The following RELL1 variants were observed in gnomAD, a reference collection of about 807,000 sequenced individuals.
The protein encoded by RELL1 is RELT-like protein 1.
A neutral mutation model predicts 23.0 loss-of-function variants in RELL1; 10 were observed. The observed-to-expected ratio is 0.43, with a 90% CI of 0.27 to 0.74. RELL1 has a LOEUF of 0.74. RELL1 is among the 30% of genes least tolerant of loss of function. The pLI is 0.19. For synonymous variants in RELL1, 146 were observed against 146.8 expected (o/e 0.99, Z 0.04); for missense variants, 315 against 364.4 (o/e 0.86, Z 1.10).
chr4:37,682,623 C>T (rs1577615337), intron 1 of RELL1, among the ~76,000 whole-genome samples: 1 of 152,216 alleles, frequency 6.6e-6, no homozygotes, highest in African/African-American at 2.4e-5. Flanking sequence ...AGACTTCTCA[C>T]ATTTTTCATT....
At chr4:37,676,177 C>G (rs1183753892) in intron 1 of RELL1, among the ~76,000 whole-genome samples, 10 of 152,120 alleles carry the variant, frequency 6.6e-5, no homozygotes, top group Non-Finnish European at 1.5e-4. Flanking sequence ...TCATACTTTC[C>G]TTGACAAGGT....
intron 3 of RELL1, among the ~76,000 whole-genome samples, chr4:37,643,210 A>G (rs1720586396): frequency 2.0e-5 from 3 of 152,236 alleles, no homozygotes; most frequent in Admixed American, 2.0e-4. Context: ...AGAACTGCAA[A>G]GTATGGAAAA....
intron 6 of RELL1, among the ~76,000 whole-genome samples, chr4:37,594,426 C>T (rs977605882): frequency 7.2e-5 from 11 of 152,212 alleles, no homozygotes; most frequent in Non-Finnish European, 1.6e-4. Flanking sequence ...GGGCAGACTT[C>T]ACAGTTCCCC....
chr4:37,663,989 C>A (rs1224272819), intron 1 of RELL1, among the ~76,000 whole-genome samples: 2 of 152,172 alleles, frequency 1.3e-5, no homozygotes, highest in Non-Finnish European at 2.9e-5. Context: ...AAAAAAAAGA[C>A]TGAAGTCAGC....
rs1719446792 is a variant in RELL1 at position 37,612,689 on chromosome 4, CATG to C, written c.*654_*656del. Among the ~76,000 whole-genome samples the C allele has an allele frequency of 6.7e-6, 1 of 148,830 alleles. No individual in the cohort carries two copies. Among genetic ancestry groups the C allele is most frequent in the Non-Finnish European group, 1.5e-5 (1 of 67,508 alleles). ...AAATGTGTAAGTGCTGTAGGAGTGA[CATG>C]GTGGTGGCAGGAGTTAATGCTGAAT... On this transcript the variant is annotated 3_prime_UTR_variant, in exon 7 of 7. Transcript: ENST00000454158.
intron 1 of RELL1, among the ~76,000 whole-genome samples, chr4:37,666,602 A>T (rs532894335): frequency 6.6e-6 from 1 of 152,200 alleles, no homozygotes; most frequent in Non-Finnish European, 1.5e-5. Context: ...TCAGCTGGGG[A>T]TATAAAATCA....
Position 37,649,424 on chromosome 4 carries a change from G to GT in RELL1, c.164dup (p.His55GlnfsTer28). ...CAAGCGCGTATGCAATATATTCTGG[G>GT]TGTCCATTCCCAGTATCGTTGCTGG... On this transcript the variant is annotated frameshift_variant, in exon 2 of 7. Transcript: ENST00000454158. LOFTEE classifies it high-confidence loss of function. 6.2e-7 allele frequency: 1 copy of GT among 1,614,232 alleles called. No individual in the cohort carries two copies. Among genetic ancestry groups the GT allele is most frequent in the East Asian group, 2.2e-5 (1 of 44,892 alleles).
At chr4:37,650,715 G>A (rs1385960797) in intron 1 of RELL1, among the ~76,000 whole-genome samples, 2 of 151,596 alleles carry the variant, frequency 1.3e-5, no homozygotes, top group Admixed American at 6.6e-5. Context: ...TTAGCCTGCA[G>A]GGGTGCCACA....
In RELL1 at chr4:37,612,176, CAAAAAAAAAA is replaced by C. The variant is rs36064800; in HGVS notation, c.*1160_*1169del. 5.2e-4 allele frequency among the ~76,000 whole-genome samples: 28 copies of C among 53,774 alleles called. No individual in the cohort carries two copies. The highest frequency in any genetic ancestry group is 1.7e-3 in the African/African-American group (25 of 14,620). The allele number at this position is 53,774 out of a possible 152,430, so 35.3% of individuals were successfully genotyped here. ...TGGGCGACAGAGCGAGACTCCGCCT[CAAAAAAAAAA>C]AAAAAAAAAAAAAAAGAGAGAAGCA... On this transcript the variant is annotated 3_prime_UTR_variant, in exon 7 of 7. Transcript: ENST00000454158.
In RELL1 at chr4:37,634,987, G is replaced by A. The variant is rs200794467; in HGVS notation, c.580C>T (p.Arg194Trp). The change falls in exon 5 of 7, where the codon CGG (arginine) becomes TGG (tryptophan). Residue 194 changes from arginine (R) to tryptophan (W), a missense_variant. Arg to Trp is a moderately radical substitution (Grantham distance 101). Coordinates refer to ENST00000454158, the MANE Select transcript of RELL1 (RefSeq NM_001085400.2). ...AAGTGCCACCGCTTGTGCCTACACCGATGACACACATCCCTCTCGACAACA... is the reference window on the plus strand; with the variant it reads ...AAGTGCCACCGCTTGTGCCTACACCAATGACACACATCCCTCTCGACAACA... ...GGVVERDVCH[R>W]CRHKRWHFIK... 62 of 1,614,218 alleles carry A rather than the reference G, an allele frequency of 3.8e-5. No homozygotes were observed. The African/African-American group carries it at 6.0e-4, about 16-fold the overall frequency.
downstream of RELL1, among the ~76,000 whole-genome samples, chr4:37,586,545 A>G (rs1718348762): frequency 6.6e-6 from 1 of 152,218 alleles, no homozygotes; most frequent in Non-Finnish European, 1.5e-5. Context: ...GTCCTCAAGC[A>G]TGAAGTGATT....
At chr4:37,658,871 G>C (rs1462954743) in intron 1 of RELL1, among the ~76,000 whole-genome samples, 1 of 152,140 alleles carries the variant, frequency 6.6e-6, no homozygotes, top group African/African-American at 2.4e-5. Context: ...GCAAGAAGTA[G>C]GATAAGTTTT....
At chr4:37,593,851 G>A (rs1385749738) in intron 6 of RELL1, among the ~76,000 whole-genome samples, 2 of 152,258 alleles carry the variant, frequency 1.3e-5, no homozygotes, top group East Asian at 1.9e-4. Context: ...AAGGAGGACT[G>A]GACAGCTACC....
At chr4:37,640,304 G>A (rs947097820) in intron 3 of RELL1, among the ~76,000 whole-genome samples, 2 of 152,108 alleles carry the variant, frequency 1.3e-5, no homozygotes, top group African/African-American at 4.8e-5. Context: ...AAAACATTAT[G>A]AAAACGGATC....
chr4:37,635,036 G>A lies in RELL1; in HGVS notation c.531C>T (p.Gly177=), dbSNP rs1400708735. 1 of 1,614,234 alleles carries A rather than the reference G, an allele frequency of 6.2e-7. No individual in the cohort carries two copies. The highest frequency in any genetic ancestry group is 8.5e-7 in the Non-Finnish European group (1 of 1,180,042). Reference sequence around the variant, plus strand: ...CACCGCCCACCGTATGCAGATGATGGCCACAGACGTGCTTCCCTGGCGTCC... The same window carrying A: ...CACCGCCCACCGTATGCAGATGATGACCACAGACGTGCTTCCCTGGCGTCC... ...PGGTPGKHVC[G]HHLHTVGGVV... is the part of the protein sequence containing the mutation. The change falls in exon 5 of 7, where the codon GGC becomes GGT. Residue 177 remains glycine, a synonymous_variant. Coordinates refer to ENST00000454158, the MANE Select transcript of RELL1 (RefSeq NM_001085400.2).
chr4:37,617,697 C>T (rs909650033), intron 6 of RELL1, among the ~76,000 whole-genome samples: 1 of 152,168 alleles, frequency 6.6e-6, no homozygotes, highest in African/African-American at 2.4e-5. Flanking sequence ...GCAATAGAAT[C>T]GCTTGAACCT....
At chr4:37,642,820 G>A (rs1369611527) in intron 3 of RELL1, among the ~76,000 whole-genome samples, 1 of 152,100 alleles carries the variant, frequency 6.6e-6, no homozygotes, top group Non-Finnish European at 1.5e-5. Flanking sequence ...AAATTAAACT[G>A]GACAAAACAA....
intron 1 of RELL1, among the ~76,000 whole-genome samples, chr4:37,669,411 G>A (rs1426102390): frequency 6.8e-6 from 1 of 147,422 alleles, no homozygotes; most frequent in Admixed American, 6.7e-5. Context: ...AGGGAGGTGG[G>A]GGGGTCAGCC....
At chr4:37,636,519 C>T (rs957131216) in intron 4 of RELL1, among the ~76,000 whole-genome samples, 6 of 150,078 alleles carry the variant, frequency 4.0e-5, no homozygotes, top group African/African-American at 7.4e-5. Flanking sequence ...GGTGTGAACC[C>T]GGAAGGCGGA....
Sources: gnomAD v4.1 joint callset for allele counts (sites outside exome capture counted in the v4.1 genomes callset) on GRCh38, gnomAD v4.1.1 for gene constraint, MANE v1.5 for transcripts, NCBI Gene and HGNC (gene_info 2026-07-23, HGNC 2026-07-21) for gene names.